The following PDXDC1 variants were observed in gnomAD, a reference collection of about 807,000 sequenced individuals.
PDXDC1 encodes the protein pyridoxal-dependent decarboxylase domain-containing protein 1.
PDXDC1 carries 42 observed loss-of-function variants against 100.1 expected under a neutral mutation model. The ratio of observed to expected loss-of-function variants is 0.42; its 90% CI spans 0.33 to 0.54. The LOEUF (loss-of-function observed/expected upper bound fraction) is 0.54. Ranked by LOEUF, PDXDC1 falls within the 20% of genes least tolerant of loss-of-function variation. The pLI is 0.10. For missense variants in PDXDC1, 636 were observed against 979.2 expected, an observed-to-expected ratio of 0.65 and a Z score of 4.68; for synonymous variants, 260 against 371.7, an observed-to-expected ratio of 0.70 and a Z score of 3.46.
intron 14 of PDXDC1, among the ~76,000 whole-genome samples, chr16:15,027,797 CT>C (rs1445741418): frequency 5.2e-5 from 8 of 152,418 alleles, no homozygotes; most frequent in Admixed American, 1.3e-4. Flanking sequence ...TGTCTGCCCA[CT>C]AGGGTCTCAG....
intron 1 of PDXDC1, among the ~76,000 whole-genome samples, chr16:14,991,841 CAG>C (rs1970925383): frequency 6.6e-6 from 1 of 152,278 alleles, no homozygotes; most frequent in Non-Finnish European, 1.5e-5. Flanking sequence ...CTATTCTTAA[CAG>C]AAATATTCAT....
At chr16:15,032,694 C>A in intron 17 of PDXDC1, 167 bp from the exon 18 acceptor site, 15 of 455,504 alleles carry the variant, frequency 3.3e-5, no homozygotes, top group East Asian at 4.6e-5. Flanking sequence ...TTTCTCTTTA[C>A]TCCTGGCACA....
intron 16 of PDXDC1, among the ~76,000 whole-genome samples, chr16:15,087,476 T>A (rs1463433040): frequency 6.6e-6 from 1 of 152,176 alleles, no homozygotes; most frequent in Non-Finnish European, 1.5e-5. Context: ...CCCACACGCC[T>A]CCCTATATGC....
chr16:15,150,486 G>A, the PDXDC1 span, among the ~76,000 whole-genome samples: 3 of 151,564 alleles, frequency 2.0e-5, no homozygotes, highest in African/African-American at 7.3e-5. Flanking sequence ...CCAACATGGT[G>A]AAACCCCATC....
downstream of PDXDC1, chr16:15,038,566 ACT>A (rs1567751699): frequency 1.4e-6 from 2 of 1,452,444 alleles, no homozygotes; most frequent in South Asian, 1.2e-5. Context: ...CAGCCTGTAA[ACT>A]CTCACCTCTA....
intron 1 of PDXDC1, among the ~76,000 whole-genome samples, chr16:14,984,537 GC>G (rs1287971500): frequency 1.3e-4 from 17 of 134,652 alleles, no homozygotes; most frequent in African/African-American, 2.3e-4. Context: ...TCACCCTGTC[GC>G]CCAGGCTGGA....
chr16:15,070,192 T>C (rs775034897), intron 16 of PDXDC1: 2 of 1,608,554 alleles, frequency 1.2e-6, no homozygotes, highest in Non-Finnish European at 1.7e-6. Context: ...TGTTCCCGAA[T>C]CCTGGTTATT....
intron 13 of PDXDC1, 141 bp downstream of exon 13, chr16:15,022,895 AAAC>A: frequency 1.3e-6 from 1 of 751,262 alleles, no homozygotes; most frequent in Non-Finnish European, 2.1e-6. Context: ...CAAAACAAAA[AAAC>A]GAAACAAAAA....
the PDXDC1 span, among the ~76,000 whole-genome samples, chr16:15,146,251 G>A: frequency 6.6e-6 from 1 of 152,104 alleles, no homozygotes; most frequent in African/African-American, 2.4e-5. Context: ...CGGGAAGGGG[G>A]ACGTCGAGGC....
downstream of PDXDC1, chr16:15,038,702 G>C: frequency 7.1e-7 from 1 of 1,398,620 alleles, no homozygotes; most frequent in Non-Finnish European, 1.0e-6. Context: ...AAAAGAACGT[G>C]TCAAGGATAG....
chr16:15,121,847 T>TA (rs1181550436), intron 16 of PDXDC1: 5 of 200,732 alleles, frequency 2.5e-5, no homozygotes, highest in African/African-American at 1.1e-4. Context: ...AACTTACACT[T>TA]AAGGTTATAT....
chr16:15,028,699 A>C (rs1410904958), intron 14 of PDXDC1, among the ~76,000 whole-genome samples, 179 bp from the exon 15 acceptor site: 1 of 152,306 alleles, frequency 6.6e-6, no homozygotes, highest in Non-Finnish European at 1.5e-5. Context: ...TTCAAGTGTT[A>C]CATAGATCAC....
intron 16 of PDXDC1, chr16:15,125,756 C>A: frequency 6.6e-7 from 1 of 1,508,088 alleles, no homozygotes; most frequent in Non-Finnish European, 9.1e-7. Context: ...AGGCAGCTGT[C>A]GATGTCCAGC....
chr16:15,021,583 A>G (rs1164922133), intron 12 of PDXDC1, among the ~76,000 whole-genome samples: 2 of 152,278 alleles, frequency 1.3e-5, no homozygotes, highest in Non-Finnish European at 2.9e-5. Context: ...AGTGCGGGAG[A>G]ATGATGCCAT....
At chr16:15,039,010 A>C (rs969600977), downstream of PDXDC1, among the ~76,000 whole-genome samples, 1 of 152,164 alleles carries the variant, frequency 6.6e-6, no homozygotes, top group African/African-American at 2.4e-5. Context: ...TCAGAGCTGG[A>C]CCTCAAACCC....
At chr16:15,047,369 G>A (rs2044117182) in intron 16 of PDXDC1, 2 of 988,118 alleles carry the variant, frequency 2.0e-6, no homozygotes, top group Middle Eastern at 2.1e-4. Context: ...TCCCCTAACA[G>A]CTTCCACAGC....
At chr16:15,049,840 G>A (rs1313896490) in intron 16 of PDXDC1, among the ~76,000 whole-genome samples, 4 of 152,086 alleles carry the variant, frequency 2.6e-5, no homozygotes, top group African/African-American at 7.2e-5. Flanking sequence ...TGAAAACTAT[G>A]GGAAAAAGAG....
chr16:15,123,595 ATTCATT>A (rs2047546263), intron 16 of PDXDC1: 1 of 665,548 alleles, frequency 1.5e-6, no homozygotes, highest in Non-Finnish European at 2.6e-6. Context: ...ATGTACATAC[ATTCATT>A]TTAAGCATGC....
chr16:15,135,147 T>A, intron 16 of PDXDC1: 1 of 771,138 alleles, frequency 1.3e-6, no homozygotes, highest in Non-Finnish European at 2.2e-6. Flanking sequence ...GCTGTCGTGT[T>A]ACGTAGAATT....
Sources: gnomAD v4.1 joint callset for allele counts (sites outside exome capture counted in the v4.1 genomes callset) on GRCh38, gnomAD v4.1.1 for gene constraint, MANE v1.5 for transcripts, NCBI Gene and HGNC (gene_info 2026-07-23, HGNC 2026-07-21) for gene names.